The following KANK1 variants were observed in gnomAD, a reference collection of about 807,000 sequenced individuals.
The protein encoded by KANK1 is KN motif and ankyrin repeat domain-containing protein 1.
In KANK1, 109 loss-of-function variants were observed where a neutral mutation model predicts 106.2. That is an observed-to-expected ratio of 1.03 (90% confidence interval 0.88 to 1.20). KANK1 has a LOEUF of 1.20. Ranked by LOEUF, KANK1 falls within the 50% of genes most tolerant of loss-of-function variation. KANK1 has a pLI of 0.00. For synonymous variants in KANK1, 873 were observed against 652.2 expected, an observed-to-expected ratio of 1.34 and a Z score of -5.16; for missense variants, 2,399 against 1,710.7, an observed-to-expected ratio of 1.40 and a Z score of -7.10.
At chr9:644,461 C>T (rs539594413) in intron 1 of KANK1, among the ~76,000 whole-genome samples, 2 of 151,066 alleles carry the variant, frequency 1.3e-5, no homozygotes, top group African/African-American at 5.0e-5. Flanking sequence ...AGCATGGTGG[C>T]TTCTGGGGAG....
At chr9:625,158 A>G (rs1159631718) in intron 1 of KANK1, among the ~76,000 whole-genome samples, 1 of 152,192 alleles carries the variant, frequency 6.6e-6, no homozygotes, top group Non-Finnish European at 1.5e-5. Context: ...GAATTCCTGC[A>G]GATCAGCTCT....
chr9:507,947 G>T (rs1481046098), intron 1 of KANK1, among the ~76,000 whole-genome samples: 2 of 151,506 alleles, frequency 1.3e-5, no homozygotes, highest in African/African-American at 4.9e-5. Flanking sequence ...GCCTCCCAAA[G>T]TGCTGAGGGA....
In KANK1 at chr9:518,017, C is replaced by T. The variant is rs1473709874; in HGVS notation, c.-84+13263C>T. On this transcript the variant is annotated intron_variant, in intron 1 of 11. Transcript: ENST00000382297. Reference sequence around the variant, plus strand: ...CCTTCCAGAGTGCTGGGATTACAGGCATGAGCCACCTTGCCCGGCCAACCT... The same window carrying T: ...CCTTCCAGAGTGCTGGGATTACAGGTATGAGCCACCTTGCCCGGCCAACCT... Among the ~76,000 whole-genome samples the T allele has an allele frequency of 2.6e-5, 4 of 151,746 alleles. No homozygotes were observed. The East Asian group carries it at 7.7e-4, about 29-fold the overall frequency.
intron 2 of KANK1, chr9:470,758 C>G (rs890056665): frequency 1.3e-5 from 2 of 152,424 alleles, no homozygotes; most frequent in African/African-American, 4.8e-5. Context: ...TCCCATTCAG[C>G]ACTTACTTCT....
intron 3 of KANK1, among the ~76,000 whole-genome samples, chr9:488,354 CTAACAAG>C (rs1314097321): frequency 1.3e-5 from 2 of 152,162 alleles, no homozygotes; most frequent in Non-Finnish European, 2.9e-5. Context: ...ATATTAGAGT[CTAACAAG>C]TAACAGCAAG....
chr9:679,484 G>A (rs113956992), intron 2 of KANK1, among the ~76,000 whole-genome samples: 35 of 152,078 alleles, frequency 2.3e-4, no homozygotes, highest in African/African-American at 7.2e-4. Context: ...GCACGATATC[G>A]GCTCACTGCA....
In KANK1 at chr9:652,510, C is replaced by T. The variant is rs145636367; in HGVS notation, c.-83-24380C>T. Among the ~76,000 whole-genome samples the T allele has an allele frequency of 8.2e-3, 1,244 of 151,678 alleles. 11 individuals carry two copies. Among genetic ancestry groups the T allele is most frequent in the African/African-American group, 0.029 (1,200 of 41,294 alleles). ...TGCACTCCAGCCTGGGCGACAAGAG[C>T]GAAACTGTGTCTCAAAAGTAAAATA... On this transcript the variant is annotated intron_variant, in intron 1 of 11. Transcript: ENST00000382297.
At position 650,584 on chromosome 9, in the gene KANK1, G is replaced by A. The variant is rs1307264333; in HGVS notation, c.-83-26306G>A. ...GTTGTCAGGAAGTGTGTGCTTCAGTGGGCTGTGACTCTGCATATCCCTGTT... is the reference window on the plus strand; with the variant it reads ...GTTGTCAGGAAGTGTGTGCTTCAGTAGGCTGTGACTCTGCATATCCCTGTT... On this transcript the variant is annotated intron_variant, in intron 1 of 11. Transcript: ENST00000382297. Among the ~76,000 whole-genome samples, 14 of 152,124 alleles carry A rather than the reference G, an allele frequency of 9.2e-5. No individual in the cohort carries two copies. The East Asian group carries it at 2.7e-3, about 29-fold the overall frequency.
chr9:741,193 T>C (rs1473007498), intron 9 of KANK1, among the ~76,000 whole-genome samples: 1 of 152,310 alleles, frequency 6.6e-6, no homozygotes, highest in East Asian at 1.9e-4. Context: ...TGCATGGAAA[T>C]ACTGTTAGTT....
chr9:603,836 A>G (rs2804300), intron 1 of KANK1, among the ~76,000 whole-genome samples: 76,925 of 150,544 alleles, frequency 0.51, 20,431 homozygotes, highest in South Asian at 0.6. Flanking sequence ...GGTGTGCGCC[A>G]TAGTCCCAGC....
At chr9:473,904 T>C (rs2058061999) in intron 3 of KANK1, among the ~76,000 whole-genome samples, 1 of 152,166 alleles carries the variant, frequency 6.6e-6, no homozygotes, top group South Asian at 2.1e-4. Flanking sequence ...TTCACCATGT[T>C]GGCCAGGATG....
intron 2 of KANK1, among the ~76,000 whole-genome samples, chr9:678,510 C>G (rs903542402): frequency 1.2e-4 from 18 of 152,082 alleles, no homozygotes; most frequent in African/African-American, 4.3e-4. Context: ...GGATGGATCA[C>G]CCAAGGTCGG....
At chr9:591,876 C>G (rs971680571) in intron 1 of KANK1, among the ~76,000 whole-genome samples, 1 of 151,688 alleles carries the variant, frequency 6.6e-6, no homozygotes, top group African/African-American at 2.4e-5. Flanking sequence ...CCAGGCTGAT[C>G]TCAAACTCCT....
At chr9:507,309 C>T (rs775319840) in intron 1 of KANK1, among the ~76,000 whole-genome samples, 1 of 151,786 alleles carries the variant, frequency 6.6e-6, no homozygotes, top group Admixed American at 6.6e-5. Context: ...GAACTATGAT[C>T]ATGCCACTGC....
intron 1 of KANK1, among the ~76,000 whole-genome samples, chr9:662,744 C>G (rs1270063759): frequency 6.6e-6 from 1 of 150,500 alleles, no homozygotes; most frequent in Admixed American, 6.7e-5. Context: ...TCACTGCAAT[C>G]TCCACCTCCT....
At chr9:667,129 C>G (rs924767084) in intron 1 of KANK1, among the ~76,000 whole-genome samples, 3 of 151,308 alleles carry the variant, frequency 2.0e-5, no homozygotes, top group Non-Finnish European at 2.9e-5. Flanking sequence ...TTATTACTTG[C>G]TATTGGTTTG....
At chr9:612,828 T>C (rs540138097) in intron 1 of KANK1, among the ~76,000 whole-genome samples, 1 of 152,242 alleles carries the variant, frequency 6.6e-6, no homozygotes, top group Admixed American at 6.5e-5. Context: ...GCAGCAGCTC[T>C]CCTAATGGGG....
intron 1 of KANK1, among the ~76,000 whole-genome samples, chr9:543,362 C>G (rs575209932): frequency 6.6e-6 from 1 of 151,978 alleles, no homozygotes; most frequent in Non-Finnish European, 1.5e-5. Flanking sequence ...TTGAGACCAG[C>G]CTGGCCAACA....
intron 1 of KANK1, among the ~76,000 whole-genome samples, chr9:588,760 G>C (rs1824137826): frequency 6.6e-6 from 1 of 152,008 alleles, no homozygotes; most frequent in African/African-American, 2.4e-5. Context: ...TAGATGCCTG[G>C]GTTCAAATCA....
Sources: gnomAD v4.1 joint callset for allele counts (sites outside exome capture counted in the v4.1 genomes callset) on GRCh38, gnomAD v4.1.1 for gene constraint, MANE v1.5 for transcripts, NCBI Gene and HGNC (gene_info 2026-07-23, HGNC 2026-07-21) for gene names.